SGCZ: variants seen among roughly 807,000 people sequenced by gnomAD.
SGCZ encodes sarcoglycan zeta.
SGCZ carries 40 observed loss-of-function variants against 41.3 expected under a neutral mutation model. The observed-to-expected ratio is 0.97, with a 90% CI of 0.75 to 1.26. The LOEUF is 1.26. SGCZ is among the 50% of genes most tolerant of loss of function. SGCZ has a pLI of 0.00. For synonymous variants in SGCZ, 206 were observed against 137.5 expected (o/e 1.50, Z -3.49); for missense variants, 552 against 369.8 (o/e 1.49, Z -4.04).
At chr8:14,231,295 G>T (rs1181598171) in intron 4 of SGCZ, among the ~76,000 whole-genome samples, 1 of 151,702 alleles carries the variant, frequency 6.6e-6, no homozygotes, top group Non-Finnish European at 1.5e-5. Flanking sequence ...GAGTGTGTCT[G>T]TCTTGAATGT....
At position 14,693,202 on chromosome 8, in the gene SGCZ, T is replaced by C. The variant is rs185976993; in HGVS notation, c.40-138276A>G. 1.2e-4 allele frequency among the ~76,000 whole-genome samples: 19 copies of C among 152,322 alleles called. No individual in the cohort carries two copies. In the East Asian group the frequency reaches 1.7e-3, roughly 14 times the overall value. On this transcript the variant is annotated intron_variant, in intron 1 of 7. Transcript: ENST00000382080. ...ACTTGAAGAATATATGAAATATTCA[T>C]TAATTGAATATTCTAATCTGTTAAA...
chr8:15,099,061 AAAAC>A (rs1460294914), intron 1 of SGCZ, among the ~76,000 whole-genome samples: 4 of 152,228 alleles, frequency 2.6e-5, no homozygotes, highest in South Asian at 4.1e-4. Flanking sequence ...CCGTCTCAAA[AAAAC>A]AAACAAACAA....
At chr8:14,267,729 G>T (rs1359881572) in intron 3 of SGCZ, among the ~76,000 whole-genome samples, 2 of 152,022 alleles carry the variant, frequency 1.3e-5, no homozygotes, top group African/African-American at 4.8e-5. Context: ...CCACTCATCT[G>T]TATGTAGTGT....
At chr8:14,727,748 G>C (rs935159318) in intron 1 of SGCZ, among the ~76,000 whole-genome samples, 1 of 151,926 alleles carries the variant, frequency 6.6e-6, no homozygotes, top group African/African-American at 2.4e-5. Context: ...TCCTGACCTC[G>C]TGATCCACCC....
At chr8:15,160,339 A>G (rs980817116) in intron 1 of SGCZ, among the ~76,000 whole-genome samples, 1 of 152,194 alleles carries the variant, frequency 6.6e-6, no homozygotes, top group Admixed American at 6.5e-5. Flanking sequence ...GTAAATTTGA[A>G]TAATATTCCA....
At chr8:14,350,823 GTA>G (rs1803064878) in intron 2 of SGCZ, among the ~76,000 whole-genome samples, 1 of 152,100 alleles carries the variant, frequency 6.6e-6, no homozygotes, top group Non-Finnish European at 1.5e-5. Flanking sequence ...TAAGGCAAGT[GTA>G]TACCATGAAC....
In SGCZ at chr8:15,178,316, C is replaced by T. The variant is rs146891159; in HGVS notation, c.39+59269G>A. Among the ~76,000 whole-genome samples, 396 of 152,126 alleles carry T rather than the reference C, an allele frequency of 2.6e-3. 2 individuals are homozygous for T. Among genetic ancestry groups the T allele is most frequent in the African/African-American group, 9.0e-3 (373 of 41,512 alleles). ...TGTTTTACCAATCACCTAAATATTA[C>T]AGCATTTTACAATGTCTAAAAGACA... is the stretch of plus-strand genomic sequence containing the variant. On this transcript the variant is annotated intron_variant, in intron 1 of 7. Coordinates refer to ENST00000382080, the MANE Select transcript of SGCZ (RefSeq NM_139167.4).
intron 4 of SGCZ, among the ~76,000 whole-genome samples, chr8:14,222,473 A>G (rs1467776743): frequency 1.3e-5 from 2 of 151,884 alleles, no homozygotes. Flanking sequence ...CGGCCACTTC[A>G]GTTTTGTTTT....
At chr8:14,575,913 C>CAAAAAAAAAA (rs66656586) in intron 1 of SGCZ, among the ~76,000 whole-genome samples, 621 of 99,914 alleles carry the variant, frequency 6.2e-3, no homozygotes, top group African/African-American at 7.3e-3. Flanking sequence ...CTCAAAATAA[C>CAAAAAAAAAA]AAAAAAAAAA....
chr8:14,589,053 C>G (rs1805155826), intron 1 of SGCZ, among the ~76,000 whole-genome samples: 1 of 152,028 alleles, frequency 6.6e-6, no homozygotes, highest in African/African-American at 2.4e-5. Context: ...ATTGTGTGAC[C>G]TTTGTTCAAT....
At chr8:14,956,418 TTAGTA>T (rs1800795529) in intron 1 of SGCZ, among the ~76,000 whole-genome samples, 1 of 152,128 alleles carries the variant, frequency 6.6e-6, no homozygotes, top group Non-Finnish European at 1.5e-5. Context: ...TCTCAGCTCT[TTAGTA>T]TATCAGACAT....
intron 1 of SGCZ, among the ~76,000 whole-genome samples, chr8:14,820,267 A>G (rs528183147): frequency 6.6e-6 from 1 of 152,190 alleles, no homozygotes; most frequent in South Asian, 2.1e-4. Flanking sequence ...GACTGAAGAG[A>G]CATCATTATA....
At chr8:14,860,551 AGAAAG>A (rs1223954632) in intron 1 of SGCZ, among the ~76,000 whole-genome samples, 2 of 151,394 alleles carry the variant, frequency 1.3e-5, no homozygotes, top group African/African-American at 4.8e-5. Context: ...AGAAAGAAAG[AGAAAG>A]GAAAGGAAAG....
At chr8:14,826,478 T>C (rs1181210105) in intron 1 of SGCZ, among the ~76,000 whole-genome samples, 3 of 152,110 alleles carry the variant, frequency 2.0e-5, no homozygotes, top group Non-Finnish European at 2.9e-5. Context: ...CAAATGGTAT[T>C]TCTAGTTCTA....
At chr8:14,931,261 T>C (rs1799915728) in intron 1 of SGCZ, among the ~76,000 whole-genome samples, 2 of 152,090 alleles carry the variant, frequency 1.3e-5, no homozygotes, top group South Asian at 2.1e-4. Context: ...TATTCACTTA[T>C]AGTTTATTAC....
At chr8:14,738,367 A>G (rs1799108857) in intron 1 of SGCZ, among the ~76,000 whole-genome samples, 1 of 152,096 alleles carries the variant, frequency 6.6e-6, no homozygotes, top group African/African-American at 2.4e-5. Flanking sequence ...ACTCTCAAAG[A>G]TTCTCTTTCC....
chr8:14,096,357 T>G (rs1801844785), intron 7 of SGCZ, among the ~76,000 whole-genome samples: 1 of 152,082 alleles, frequency 6.6e-6, no homozygotes, highest in Non-Finnish European at 1.5e-5. Flanking sequence ...TCTATTGAGA[T>G]AAACAGAACC....
In SGCZ at chr8:14,984,885, G is replaced by C. The variant is rs75245321; in HGVS notation, c.39+252700C>G. Among the ~76,000 whole-genome samples the C allele has an allele frequency of 8.9e-3, 1,357 of 152,180 alleles. 21 individuals carry two copies. Among genetic ancestry groups the C allele is most frequent in the African/African-American group, 0.031 (1,276 of 41,528 alleles). On this transcript the variant is annotated intron_variant, in intron 1 of 7. Coordinates refer to ENST00000382080, the MANE Select transcript of SGCZ (RefSeq NM_139167.4). Reference sequence around the variant, plus strand: ...ATTTTGTTGCTGTAGTTGACACAGAGATTTTGATATTCTGGAGTACTTGTG... The same window carrying C: ...ATTTTGTTGCTGTAGTTGACACAGACATTTTGATATTCTGGAGTACTTGTG...
rs777723116 is a variant in SGCZ at position 14,785,681 on chromosome 8, A to G, written c.40-230755T>C. 4.6e-5 allele frequency among the ~76,000 whole-genome samples: 7 copies of G among 152,296 alleles called. No individual in the cohort carries two copies. The South Asian group carries it at 8.3e-4, about 18-fold the overall frequency. ...TAAAGATTTGAGTTTAATTTAAGCT[A>G]TTTATACTACAGACCATTTGTTATT... On this transcript the variant is annotated intron_variant, in intron 1 of 7. Transcript: ENST00000382080.
Sources: gnomAD v4.1 joint callset for allele counts (sites outside exome capture counted in the v4.1 genomes callset) on GRCh38, gnomAD v4.1.1 for gene constraint, MANE v1.5 for transcripts, NCBI Gene and HGNC (gene_info 2026-07-23, HGNC 2026-07-21) for gene names.